The following ZFPM2 variants were observed in gnomAD, a reference collection of about 807,000 sequenced individuals.
ZFPM2 encodes the protein zinc finger protein, FOG family member 2.
A neutral mutation model predicts 98.6 loss-of-function variants in ZFPM2; 20 were observed. The ratio of observed to expected loss-of-function variants is 0.20; its 90% CI spans 0.14 to 0.29. The LOEUF is 0.29. ZFPM2 is among the 10% of genes least tolerant of loss of function. ZFPM2 has a pLI of 1.00. For synonymous variants in ZFPM2, 518 were observed against 502.7 expected, an observed-to-expected ratio of 1.03 and a Z score of -0.41; for missense variants, 1,310 against 1,388.6, an observed-to-expected ratio of 0.94 and a Z score of 0.90.
rs904977670 is a variant in ZFPM2 at position 105,472,514 on chromosome 8, G to GT, written c.301+28139dup. Among the ~76,000 whole-genome samples, 8 of 151,962 alleles carry GT rather than the reference G, an allele frequency of 5.3e-5. No homozygotes were observed. In the East Asian group the frequency reaches 1.6e-3, roughly 29 times the overall value. On this transcript the variant is annotated intron_variant, in intron 3 of 7. Coordinates refer to ENST00000407775, the MANE Select transcript of ZFPM2 (RefSeq NM_012082.4). ...TGTGTTTTGTTTTGTTTTGTTTTGT[G>GT]TTTTTTGAGACGGAGTCTCACTCTG... is the stretch of plus-strand genomic sequence containing the variant.
intron 5 of ZFPM2, among the ~76,000 whole-genome samples, chr8:105,635,577 T>G (rs1472618242): frequency 6.6e-6 from 1 of 152,136 alleles, no homozygotes; most frequent in Non-Finnish European, 1.5e-5. Flanking sequence ...TGGTGGGAGC[T>G]TTCAGCTAAA....
In ZFPM2 at chr8:105,499,679, TC is replaced by T. The variant is rs573929235; in HGVS notation, c.301+55299del. On this transcript the variant is annotated intron_variant, in intron 3 of 7. Coordinates refer to ENST00000407775, the MANE Select transcript of ZFPM2 (RefSeq NM_012082.4). Reference sequence around the variant, plus strand: ...CAGCTTAAAATTGAATCTGAAACACTCATTTTTTTTTCAACTCCTCACACCC... The same window carrying T: ...CAGCTTAAAATTGAATCTGAAACACTATTTTTTTTTCAACTCCTCACACCC... Among the ~76,000 whole-genome samples the T allele has an allele frequency of 6.9e-3, 547 of 79,180 alleles. 1 individual carries two copies. The highest frequency in any genetic ancestry group is 9.3e-3 in the Non-Finnish European group (390 of 42,048). 51.9% of individuals were successfully genotyped at this position (79,180 alleles called of 152,430 possible). A position where few individuals can be genotyped will look rare whatever the true frequency, so the allele number is the denominator to read the frequency against.
At chr8:105,350,309 C>T (rs979329341) in intron 1 of ZFPM2, among the ~76,000 whole-genome samples, 22 of 152,164 alleles carry the variant, frequency 1.4e-4, no homozygotes, top group African/African-American at 5.1e-4. Context: ...TTTCCTTGGC[C>T]GTAGGTGGGT....
intron 3 of ZFPM2, among the ~76,000 whole-genome samples, chr8:105,456,151 TTTTTGTTTGTTTGTTTG>T (rs1401196417): frequency 8.7e-6 from 1 of 114,986 alleles, no homozygotes; most frequent in Non-Finnish European, 2.0e-5. Context: ...AAAATGTTTT[TTTTTGTTTGTTTGTTTG>T]TTTTTTTTTT....
At chr8:105,531,552 G>A (rs545298804) in intron 3 of ZFPM2, among the ~76,000 whole-genome samples, 7 of 152,148 alleles carry the variant, frequency 4.6e-5, no homozygotes, top group South Asian at 4.1e-4. Context: ...AACTAATTAC[G>A]TCTGCAGTGA....
At chr8:105,756,915 G>A (rs1273980150) in intron 5 of ZFPM2, among the ~76,000 whole-genome samples, 3 of 152,134 alleles carry the variant, frequency 2.0e-5, no homozygotes, top group African/African-American at 7.2e-5. Context: ...GGGGCAGCGC[G>A]GGCCTGCCAG....
chr8:105,719,800 T>G (rs1811613679), intron 5 of ZFPM2, among the ~76,000 whole-genome samples: 1 of 151,816 alleles, frequency 6.6e-6, no homozygotes, highest in African/African-American at 2.4e-5. Context: ...CCAACAGGAG[T>G]GAACAATATA....
chr8:105,430,899 A>G (rs1363556520), intron 2 of ZFPM2, among the ~76,000 whole-genome samples: 1 of 140,216 alleles, frequency 7.1e-6, no homozygotes, highest in Non-Finnish European at 1.5e-5. Context: ...CATTGTCCAC[A>G]ACTTTTTTTT....
At chr8:105,417,747 G>T (rs1811707356) in intron 1 of ZFPM2, among the ~76,000 whole-genome samples, 1 of 151,992 alleles carries the variant, frequency 6.6e-6, no homozygotes. Flanking sequence ...GAATGTGGTT[G>T]GTGCAAAAAC....
chr8:105,800,418 T>C (rs1813966452), intron 7 of ZFPM2, among the ~76,000 whole-genome samples: 1 of 152,146 alleles, frequency 6.6e-6, no homozygotes, highest in Non-Finnish European at 1.5e-5. Flanking sequence ...ATTAGTGTAC[T>C]GGTAGACTAT....
intron 1 of ZFPM2, among the ~76,000 whole-genome samples, chr8:105,391,001 T>C (rs1202428821): frequency 1.3e-5 from 2 of 152,150 alleles, no homozygotes; most frequent in African/African-American, 4.8e-5. Flanking sequence ...TCTTCAGAAT[T>C]ATATACTGAG....
chr8:105,622,228 T>A (rs1816566301), intron 4 of ZFPM2, among the ~76,000 whole-genome samples: 1 of 152,144 alleles, frequency 6.6e-6, no homozygotes, highest in Non-Finnish European at 1.5e-5. Flanking sequence ...GTATTTCCAA[T>A]CAGCAATTTT....
chr8:105,529,856 G>T (rs146598779), intron 3 of ZFPM2, among the ~76,000 whole-genome samples: 5 of 151,756 alleles, frequency 3.3e-5, no homozygotes, highest in Admixed American at 1.3e-4. Context: ...TCAACTTCCC[G>T]AGTAGCTGGG....
intron 1 of ZFPM2, among the ~76,000 whole-genome samples, chr8:105,321,523 T>C (rs1812024791): frequency 6.6e-6 from 1 of 151,946 alleles, no homozygotes; most frequent in African/African-American, 2.4e-5. Flanking sequence ...GAAGCAACTA[T>C]GACAAGCAAA....
chr8:105,384,569 T>G (rs1377687703), intron 1 of ZFPM2, among the ~76,000 whole-genome samples: 1 of 151,502 alleles, frequency 6.6e-6, no homozygotes, highest in Non-Finnish European at 1.5e-5. Flanking sequence ...CCTTTCCTGA[T>G]CCCATCACAT....
intron 5 of ZFPM2, among the ~76,000 whole-genome samples, chr8:105,707,500 A>T (rs1417271094): frequency 2.0e-5 from 3 of 152,124 alleles, no homozygotes; most frequent in Non-Finnish European, 2.9e-5. Context: ...GGAATACACA[A>T]CTTTCACCTA....
intron 2 of ZFPM2, among the ~76,000 whole-genome samples, chr8:105,422,786 A>G (rs1001051542): frequency 2.0e-5 from 3 of 152,212 alleles, no homozygotes; most frequent in Admixed American, 1.3e-4. Flanking sequence ...GAGGATAAAC[A>G]TAGAGTTACT....
At chr8:105,405,457 G>A (rs1441349521) in intron 1 of ZFPM2, among the ~76,000 whole-genome samples, 1 of 134,314 alleles carries the variant, frequency 7.4e-6, no homozygotes, top group African/African-American at 2.9e-5. Flanking sequence ...AGTCCCTGGT[G>A]TGTGATGTTC....
intron 2 of ZFPM2, among the ~76,000 whole-genome samples, chr8:105,441,451 AG>A (rs1563659851): frequency 5.9e-4 from 47 of 80,286 alleles, no homozygotes; most frequent in Non-Finnish European, 8.1e-4. Flanking sequence ...AGAGAGAGAG[AG>A]AGAAAGAAAG....
Sources: allele counts gnomAD v4.1 joint callset (sites outside exome capture counted in the v4.1 genomes callset), GRCh38; gene constraint gnomAD v4.1.1; transcripts MANE v1.5; gene names NCBI Gene and HGNC (gene_info 2026-07-23, HGNC 2026-07-21).